Variants in RGR observed in about 807,000 individuals in gnomAD.
The protein encoded by RGR is RPE-retinal G protein-coupled receptor.
Under a neutral mutation model 28.6 loss-of-function variants are expected in RGR, and 30 were observed. The ratio of observed to expected loss-of-function variants is 1.05; its 90% confidence interval spans 0.78 to 1.42. The LOEUF (loss-of-function observed/expected upper bound fraction) is 1.42. RGR is among the 40% of genes most tolerant of loss of function. RGR has a pLI of 0.00. For missense variants in RGR, 404 were observed against 375.6 expected (o/e 1.08, Z -0.62); for synonymous variants, 180 against 156.4 (o/e 1.15, Z -1.13).
At chr10:84,258,391 G>T in intron 6 of RGR, 117 bp from the exon 7 acceptor site, 1 of 1,544,248 alleles carries the variant, frequency 6.5e-7, no homozygotes. Flanking sequence ...AGCCTCCAAG[G>T]CTGCAGAACT....
intron 5 of RGR, among the ~76,000 whole-genome samples, chr10:84,256,051 T>A (rs1842881337): frequency 7.3e-6 from 1 of 136,754 alleles, no homozygotes; most frequent in Non-Finnish European, 1.5e-5. Context: ...TTCTTTTTTT[T>A]TTCCTTTCTT....
intron 5 of RGR, among the ~76,000 whole-genome samples, chr10:84,254,899 G>A (rs754495127): frequency 6.6e-5 from 10 of 152,108 alleles, no homozygotes; most frequent in Non-Finnish European, 1.2e-4. Flanking sequence ...ATGCACATGC[G>A]CATCTCTGAG....
chr10:84,247,482 T>C, intron 1 of RGR, 109 bp from the exon 2 acceptor site: 1 of 1,297,278 alleles, frequency 7.7e-7, no homozygotes, highest in Non-Finnish European at 1.1e-6. Flanking sequence ...ATTGATTGTC[T>C]TCCTTGTCTG....
In RGR at chr10:84,252,346, T is replaced by C. The variant is rs372756998; in HGVS notation, c.359-511T>C. Among the ~76,000 whole-genome samples the C allele has an allele frequency of 2.0e-5, 3 of 152,290 alleles. No homozygotes were observed. The South Asian group carries it at 6.2e-4, about 32-fold the overall frequency. On this transcript the variant is annotated intron_variant, in intron 3 of 6. Transcript: ENST00000652092. ...CTTCTGCCTCCATCCCCTATGACCC[T>C]CACCTGAACCCCTGCCTATGCTTCT... is the stretch of plus-strand genomic sequence containing the variant.
At chr10:84,254,817 G>T (rs1053336302) in intron 5 of RGR, among the ~76,000 whole-genome samples, 5 of 152,160 alleles carry the variant, frequency 3.3e-5, no homozygotes, top group African/African-American at 1.2e-4. Context: ...TGCATGATAT[G>T]CAGTCCATAT....
rs1167615553 is a variant in RGR, at chr10:84,254,366, T to C, written c.553T>C (p.Phe185Leu). Residue 185 changes from phenylalanine to leucine, a missense_variant, in exon 5 of 7, where the codon TTC (phenylalanine) becomes CTC (leucine). Physicochemically the swap from Phe to Leu is conservative, Grantham distance 22. Coordinates refer to ENST00000652092, the MANE Select transcript of RGR (RefSeq NM_001012720.2). ...CCTCTTCACCATGTCCTTCTTCAAC[T>C]TCGCCATGCCCCTCTTCATCACGAT... ...SFLFTMSFFN[F>L]AMPLFITITS... 1 of 1,614,066 alleles carries C rather than the reference T, an allele frequency of 6.2e-7. No individual in the cohort carries two copies. Among genetic ancestry groups the C allele is most frequent in the Non-Finnish European group, 8.5e-7 (1 of 1,180,032 alleles).
chr10:84,255,321 C>G (rs940679645), intron 5 of RGR: 6 of 152,334 alleles, frequency 3.9e-5, no homozygotes, highest in African/African-American at 1.4e-4. Flanking sequence ...ACCCAGACCC[C>G]GTAACTCTGG....
chr10:84,247,457 A>C, intron 1 of RGR, 134 bp from the exon 2 acceptor site: 1 of 1,052,406 alleles, frequency 9.5e-7, no homozygotes, highest in Non-Finnish European at 1.5e-6. Context: ...TATAGCATGA[A>C]GCATGCTACC....
At chr10:84,252,719 G>T in intron 3 of RGR, 138 bp from the exon 4 acceptor site, 2 of 1,135,416 alleles carry the variant, frequency 1.8e-6, no homozygotes, top group South Asian at 2.5e-5. Context: ...GCTCAATCCT[G>T]TAATCCCAGC....
chr10:84,254,011 C>T (rs1842851620), intron 4 of RGR, among the ~76,000 whole-genome samples: 1 of 152,216 alleles, frequency 6.6e-6, no homozygotes, highest in Non-Finnish European at 1.5e-5. Context: ...CTTGAATGTT[C>T]CTTTCTCTTG....
chr10:84,252,235 C>T (rs1050269602), intron 3 of RGR, among the ~76,000 whole-genome samples: 9 of 152,172 alleles, frequency 5.9e-5, no homozygotes, highest in Non-Finnish European at 1.0e-4. Flanking sequence ...CCCCAACCCC[C>T]GAGTCAAGCA....
In RGR at chr10:84,257,902, A is replaced by T; in HGVS notation, c.640A>T (p.Thr214Ser). The T allele has an allele frequency of 6.2e-7, 1 of 1,613,846 alleles. No homozygotes were observed. Among genetic ancestry groups the T allele is most frequent in the Non-Finnish European group, 8.5e-7 (1 of 1,179,944 alleles). Residue 214 changes from threonine to serine, a missense_variant, in exon 6 of 7, where the codon ACT (threonine) becomes TCT (serine). Thr to Ser is a moderately conservative substitution (Grantham distance 58, BLOSUM62 1). Coordinates refer to ENST00000652092, the MANE Select transcript of RGR (RefSeq NM_001012720.2). ...GACAATTTCTCCCCAGGTAAACACC[A>T]CTCTGCCAGCAAGGACGCTGCTGCT... ...GKSGHLQVNT[T>S]LPARTLLLGW...
intron 5 of RGR, among the ~76,000 whole-genome samples, chr10:84,257,188 T>G (rs1009693075): frequency 2.0e-5 from 3 of 152,224 alleles, no homozygotes; most frequent in African/African-American, 4.8e-5. Flanking sequence ...GGCTGGAACT[T>G]GGCAGCTCCC....
chr10:84,257,004 G>C (rs1307917854), intron 5 of RGR, among the ~76,000 whole-genome samples: 3 of 151,092 alleles, frequency 2.0e-5, no homozygotes, highest in Admixed American at 6.6e-5. Flanking sequence ...CCCCAAATAA[G>C]GGACAGTTAA....
At chr10:84,255,913 G>C (rs150005362) in intron 5 of RGR, among the ~76,000 whole-genome samples, 1 of 150,186 alleles carries the variant, frequency 6.7e-6, no homozygotes, top group Admixed American at 6.6e-5. Flanking sequence ...TGGTAGAGAC[G>C]GGGTTTCTCC....
chr10:84,248,981 C>A lies in RGR; in HGVS notation c.296C>A (p.Ala99Glu). 1.2e-6 allele frequency: 2 copies of A among 1,614,100 alleles called. No homozygotes were observed. The highest frequency in any genetic ancestry group is 1.7e-6 in the Non-Finnish European group (2 of 1,179,990). Residue 99 changes from alanine (A) to glutamate (E), a missense_variant, in exon 3 of 7, where the codon GCG (alanine) becomes GAG (glutamate). By Grantham distance (107) the Ala-to-Glu change is moderately radical. Transcript: ENST00000652092. ...CACGGCTTCCAGGGCTTTGTGACAG[C>A]GTTGGCCAGCATCTGCAGCAGTGCA... The part of the protein sequence containing the change: ...QAHGFQGFVT[A>E]LASICSSAAI...
At chr10:84,248,049 C>T (rs1197390607) in intron 2 of RGR, 2 of 582,804 alleles carry the variant, frequency 3.4e-6, no homozygotes, top group East Asian at 7.6e-5. Context: ...TAGTTCTGGG[C>T]TTCTTCCATA....
intron 4 of RGR, among the ~76,000 whole-genome samples, chr10:84,254,008 G>A (rs907587628): frequency 6.6e-6 from 1 of 152,216 alleles, no homozygotes; most frequent in Non-Finnish European, 1.5e-5. Flanking sequence ...CTCCTTGAAT[G>A]TTCCTTTCTC....
intron 3 of RGR, chr10:84,250,325 C>A (rs1320605529): frequency 8.4e-6 from 6 of 716,890 alleles, no homozygotes; most frequent in Non-Finnish European, 1.6e-5. Flanking sequence ...CATGTATAGC[C>A]CCCTTCCCTG....
Sources: gnomAD v4.1 joint callset for allele counts (sites outside exome capture counted in the v4.1 genomes callset) on GRCh38, gnomAD v4.1.1 for gene constraint, MANE v1.5 for transcripts, NCBI Gene and HGNC (gene_info 2026-07-23, HGNC 2026-07-21) for gene names.